PCDHGB2: variants seen among roughly 807,000 people sequenced by gnomAD.
The protein encoded by PCDHGB2 is protocadherin gamma-B2.
In PCDHGB2, 55 loss-of-function variants were observed where a neutral mutation model predicts 59.3. The observed-to-expected ratio is 0.93, with a 90% CI of 0.75 to 1.16. The LOEUF (loss-of-function observed/expected upper bound fraction) is 1.16, where lower values mean the gene tolerates loss of function less well. Ranked by LOEUF, PCDHGB2 falls within the 50% of genes most tolerant of loss-of-function variation. The pLI is 0.00. For missense variants in PCDHGB2, 1,228 were observed against 1,198.5 expected, an observed-to-expected ratio of 1.02 and a Z score of -0.36; for synonymous variants, 516 against 512.0, an observed-to-expected ratio of 1.01 and a Z score of -0.11.
At chr5:141,375,691 C>T in intron 1 of PCDHGB2, 1 of 1,614,272 alleles carries the variant, frequency 6.2e-7, no homozygotes, top group South Asian at 1.1e-5. Context: ...CAGCCAGCGA[C>T]AGCGGGGACC....
At chr5:141,450,653 A>AT (rs2098689237) in intron 1 of PCDHGB2, among the ~76,000 whole-genome samples, 1 of 151,192 alleles carries the variant, frequency 6.6e-6, no homozygotes, top group Non-Finnish European at 1.5e-5. Context: ...TGCCTGGCTA[A>AT]TTTTTGTACT....
At position 141,490,707 on chromosome 5, in the gene PCDHGB2, C is replaced by T; in HGVS notation, c.2422-4100C>T. ...CAGACACTGGGGATAATGCCCGCCT[C>T]ACCTACTCCATTGTAGGAAATCAGG... On this transcript the variant is annotated intron_variant, in intron 1 of 3. Transcript: ENST00000522605. The surrounding 1 kb of genome is among the most constrained non-coding windows in gnomAD (Gnocchi z 5.4). The T allele has an allele frequency of 3.1e-6, 5 of 1,614,194 alleles. No individual in the cohort carries two copies. Among genetic ancestry groups the T allele is most frequent in the Non-Finnish European group, 3.4e-6 (4 of 1,180,008 alleles).
intron 2 of PCDHGB2, among the ~76,000 whole-genome samples, chr5:141,502,827 A>G (rs1003204508): frequency 2.7e-5 from 4 of 150,478 alleles, no homozygotes; most frequent in African/African-American, 9.8e-5. Flanking sequence ...TCCTTGGGGA[A>G]GCCTGGACTG....
At chr5:141,393,167 G>A (rs889451396) in intron 1 of PCDHGB2, 9 of 1,613,166 alleles carry the variant, frequency 5.6e-6, no homozygotes, top group Non-Finnish European at 7.6e-6. Flanking sequence ...AACTCTTTGG[G>A]GTAGAAATAG....
intron 1 of PCDHGB2, chr5:141,404,553 C>T: frequency 6.2e-7 from 1 of 1,613,766 alleles, no homozygotes; most frequent in Non-Finnish European, 8.5e-7. Context: ...CAGGTGACGG[C>T]AAGTGACAGT....
chr5:141,408,144 G>A (rs868032463), intron 1 of PCDHGB2: 1 of 1,496,186 alleles, frequency 6.7e-7, no homozygotes, highest in Non-Finnish European at 8.9e-7. Flanking sequence ...CTTTTAGCGC[G>A]GTAGAGTGCA....
intron 1 of PCDHGB2, chr5:141,366,507 A>C: frequency 1.2e-6 from 2 of 1,614,238 alleles, no homozygotes; most frequent in Non-Finnish European, 8.5e-7. Flanking sequence ...CGCCTGCTTC[A>C]GGCTGAAGGC....
chr5:141,435,934 T>A (rs1311888999), intron 1 of PCDHGB2, among the ~76,000 whole-genome samples: 2 of 152,160 alleles, frequency 1.3e-5, no homozygotes, highest in Non-Finnish European at 2.9e-5. Flanking sequence ...CAGTTGCTGC[T>A]TCTGAGACCA....
intron 1 of PCDHGB2, chr5:141,395,360 G>A (rs2093220996): frequency 3.9e-6 from 5 of 1,290,318 alleles, no homozygotes; most frequent in Non-Finnish European, 5.2e-6. Context: ...AGAGTTTTGG[G>A]TTTATTTTGG....
At chr5:141,371,868 G>C (rs755178809) in intron 1 of PCDHGB2, 2 of 1,613,510 alleles carry the variant, frequency 1.2e-6, no homozygotes, top group Non-Finnish European at 8.5e-7. Flanking sequence ...CTACTACATC[G>C]TGGCCAGTGA....
intron 1 of PCDHGB2, chr5:141,412,990 C>T: frequency 1.8e-6 from 1 of 569,958 alleles, no homozygotes. Flanking sequence ...AGAGCTCAAT[C>T]CGGATTCTCA....
chr5:141,374,456 G>A, intron 1 of PCDHGB2: 2 of 1,613,432 alleles, frequency 1.2e-6, no homozygotes, highest in Non-Finnish European at 1.7e-6. Context: ...GGAAATAGTG[G>A]ACATTAATGA....
intron 1 of PCDHGB2, chr5:141,400,141 A>G (rs763561348): frequency 1.9e-6 from 3 of 1,614,020 alleles, no homozygotes; most frequent in Non-Finnish European, 8.5e-7. Flanking sequence ...GCCGGATATC[A>G]CTGACCGCCC....
intron 2 of PCDHGB2, among the ~76,000 whole-genome samples, chr5:141,503,423 C>T (rs1018496430): frequency 6.6e-6 from 1 of 151,752 alleles, no homozygotes; most frequent in Non-Finnish European, 1.5e-5. Context: ...GGTGAAACCC[C>T]ATCTCTACTA....
At chr5:141,379,728 G>A (rs1775778672) in intron 1 of PCDHGB2, 1 of 152,020 alleles carries the variant, frequency 6.6e-6, no homozygotes, top group African/African-American at 2.4e-5. Flanking sequence ...AATTTGCTAA[G>A]TTATGGCTAA....
chr5:141,379,441 A>G (rs185197715), intron 1 of PCDHGB2: 93 of 152,360 alleles, frequency 6.1e-4, no homozygotes, highest in African/African-American at 2.0e-3. Context: ...TGTTATACAT[A>G]TGATTATTTC....
At chr5:141,461,951 G>C (rs1419637040) in intron 1 of PCDHGB2, among the ~76,000 whole-genome samples, 1 of 152,186 alleles carries the variant, frequency 6.6e-6, no homozygotes, top group African/African-American at 2.4e-5. Context: ...AACCTCCTGA[G>C]TAGCTGGGAT....
At chr5:141,394,739 C>T (rs377359689) in intron 1 of PCDHGB2, 4 of 1,613,390 alleles carry the variant, frequency 2.5e-6, no homozygotes, top group Non-Finnish European at 3.4e-6. Flanking sequence ...AGCAGAGCCT[C>T]GTGGTGGCCG....
intron 2 of PCDHGB2, among the ~76,000 whole-genome samples, chr5:141,503,688 T>A (rs2099828724): frequency 6.6e-6 from 1 of 152,042 alleles, no homozygotes; most frequent in African/African-American, 2.4e-5. Context: ...GGAAGGAGAA[T>A]TGAGATTCCT....
Sources: gnomAD v4.1 joint callset for allele counts (sites outside exome capture counted in the v4.1 genomes callset) on GRCh38, gnomAD v4.1.1 for gene constraint, Gnocchi (gnomAD v3.1) non-coding constraint, MANE v1.5 for transcripts, NCBI Gene and HGNC (gene_info 2026-07-23, HGNC 2026-07-21) for gene names.